Variants in ZMYND19 observed in about 807,000 individuals in gnomAD.
ZMYND19 encodes the protein zinc finger MYND-type containing 19, also known as zinc finger MYND domain-containing protein 19.
ZMYND19 carries 17 observed loss-of-function variants against 32.0 expected under a neutral mutation model. The observed-to-expected ratio is 0.53, with a 90% CI of 0.36 to 0.80. The LOEUF is 0.80. ZMYND19 is among the 30% of genes least tolerant of loss of function. The pLI, the probability that ZMYND19 is intolerant of heterozygous loss-of-function variation, is 0.00. For missense variants in ZMYND19, 250 were observed against 293.6 expected (o/e 0.85, Z 1.09); for synonymous variants, 124 against 113.6 (o/e 1.09, Z -0.58).
chr9:137,584,084 TC>T (rs1441779057), intron 4 of ZMYND19, among the ~76,000 whole-genome samples: 5 of 152,064 alleles, frequency 3.3e-5, no homozygotes. Context: ...CAGACCAGGA[TC>T]CAGACGGACA....
chr9:137,587,063 T>G lies in ZMYND19; in HGVS notation c.263A>C (p.His88Pro). The G allele has an allele frequency of 6.2e-7, 1 of 1,610,362 alleles. No homozygotes were observed. The highest frequency in any genetic ancestry group is 8.5e-7 in the Non-Finnish European group (1 of 1,180,000). The change falls in exon 4 of 6, where the codon CAC becomes CCC. Residue 88 changes from histidine (H) to proline (P), a missense_variant. This residue lies in a region of ZMYND19 where 212 missense variants were observed against 218.8 expected (regional missense o/e 0.97). Coordinates refer to ENST00000298585, the MANE Select transcript of ZMYND19 (RefSeq NM_138462.3). ...ATTGTCCACGGTCACAGCGTTGAGG[T>G]GCACCACCTGGAAGCCCGGGGCCAC... ...GGVAPGFQVV[H>P]LNAVTVDNRL...
At chr9:137,584,064 CAGG>C (rs779425345) in intron 4 of ZMYND19, among the ~76,000 whole-genome samples, 2 of 152,232 alleles carry the variant, frequency 1.3e-5, no homozygotes, top group Non-Finnish European at 2.9e-5. Context: ...AGCTGGATCA[CAGG>C]AGGCCACAGA....
chr9:137,583,616 C>T (rs530951866), intron 4 of ZMYND19, among the ~76,000 whole-genome samples: 13 of 92,618 alleles, frequency 1.4e-4, no homozygotes, highest in African/African-American at 5.5e-4. Context: ...CTACCAAGAA[C>T]GGAGCCTCAA....
rs770654753 is a variant in ZMYND19, at chr9:137,583,112, T to C, written c.411A>G (p.Ile137Met). 2 of 1,614,058 alleles carry C rather than the reference T, an allele frequency of 1.2e-6. No homozygotes were observed. The highest frequency in any genetic ancestry group is 2.2e-5 in the East Asian group (1 of 44,904). ...LAIQQLPTDP[I>M]EEQFPVLNVT... ...CATTTAGGACAGGAAACTGTTCTTC[T>C]ATAGGGTCTGTAGGCAGCTGCTGAA... is the stretch of plus-strand genomic sequence containing the variant. Residue 137 changes from isoleucine to methionine, a missense_variant, in exon 5 of 6, where the codon ATA (isoleucine) becomes ATG (methionine). Ile to Met is a conservative substitution (Grantham distance 10). Around this residue, in one of 2 missense-constraint regions of ZMYND19, gnomAD observed 212 missense variants for 218.8 expected, o/e 0.97. Coordinates refer to ENST00000298585, the MANE Select transcript of ZMYND19 (RefSeq NM_138462.3).
rs908823631 is a variant in ZMYND19 at position 137,582,382 on chromosome 9, G to A, written c.*161C>T. ...CTGCTGGAGATGAACACTGAGGGGC[G>A]CTGTAACCACACAGACTGCCTGTGA... is the stretch of plus-strand genomic sequence containing the variant. On this transcript the variant is annotated 3_prime_UTR_variant, in exon 6 of 6. Coordinates refer to ENST00000298585, the MANE Select transcript of ZMYND19 (RefSeq NM_138462.3). 27 of 963,286 alleles carry A rather than the reference G, an allele frequency of 2.8e-5. No individual in the cohort carries two copies. The highest frequency in any genetic ancestry group is 1.4e-4 in the Admixed American group (5 of 34,740). 59.7% of individuals were successfully genotyped at this position (963,286 alleles called of 1,614,324 possible). A position where few individuals can be genotyped will look rare whatever the true frequency, so the allele number is the denominator to read the frequency against.
At chr9:137,588,038 C>T (rs763265320) in intron 2 of ZMYND19, among the ~76,000 whole-genome samples, 1 of 152,226 alleles carries the variant, frequency 6.6e-6, no homozygotes, top group East Asian at 1.9e-4. Flanking sequence ...GCAAGAAACA[C>T]TCACAAACAA....
Position 137,590,011 on chromosome 9 carries a change from G to C in ZMYND19, c.51+202C>G. On this transcript the variant is annotated intron_variant, in intron 1 of 5. Coordinates refer to ENST00000298585, the MANE Select transcript of ZMYND19 (RefSeq NM_138462.3). The surrounding 1 kb of genome is among the most constrained non-coding windows in gnomAD (Gnocchi z 4.2). Reference sequence around the variant, plus strand: ...TGGCCAGGTGCACCCCAGAGCCGAGGGGTGCGTGCCCGCCGGCCTGCGAGA... The same window carrying C: ...TGGCCAGGTGCACCCCAGAGCCGAGCGGTGCGTGCCCGCCGGCCTGCGAGA... 1.0e-6 allele frequency: 1 copy of C among 985,090 alleles called. No homozygotes were observed. Among genetic ancestry groups the C allele is most frequent in the Non-Finnish European group, 1.2e-6 (1 of 829,772 alleles). 61.0% of individuals were successfully genotyped at this position (985,090 alleles called of 1,614,324 possible).
In ZMYND19 at chr9:137,582,703, C is replaced by T. The variant is rs371844209; in HGVS notation, c.541-17G>A. ...CTCCCGGAGCTGAAATACAGAACACCTGTGGCTTCACCATCATGCCTGGGA... is the reference window on the plus strand; with the variant it reads ...CTCCCGGAGCTGAAATACAGAACACTTGTGGCTTCACCATCATGCCTGGGA... On this transcript the variant is annotated splice_polypyrimidine_tract_variant and intron_variant, in intron 5 of 5. Transcript: ENST00000298585. 1 of 1,610,204 alleles carries T rather than the reference C, an allele frequency of 6.2e-7. No individual in the cohort carries two copies. The highest frequency in any genetic ancestry group is 8.5e-7 in the Non-Finnish European group (1 of 1,178,706).
chr9:137,590,243 AC>A lies in ZMYND19; in HGVS notation c.20del (p.Gly7ValfsTer16). 8.7e-7 allele frequency: 1 copy of A among 1,153,888 alleles called. No individual in the cohort carries two copies. The highest frequency in any genetic ancestry group is 1.1e-6 in the Non-Finnish European group (1 of 922,002). 71.5% of individuals were successfully genotyped at this position (1,153,888 alleles called of 1,614,324 possible). A position where few individuals can be genotyped will look rare whatever the true frequency, so the allele number is the denominator to read the frequency against. On this transcript the variant is annotated frameshift_variant, in exon 1 of 6. Transcript: ENST00000298585. LOFTEE classifies it high-confidence loss of function. The surrounding 1 kb of genome is among the most constrained non-coding windows in gnomAD (Gnocchi z 4.2). MTDFKLGIVRLGRVAGK... is the reference protein window; with the variant it reads MTDFKLXIVRLGRVAGK... ...CGGCCACCCGGCCGAGCCGCACGAT[AC>A]CCAATTTGAAGTCGGTCATGGCCGG...
At chr9:137,585,363 C>G (rs1026447745) in intron 4 of ZMYND19, among the ~76,000 whole-genome samples, 1 of 145,342 alleles carries the variant, frequency 6.9e-6, no homozygotes, top group African/African-American at 2.6e-5. Context: ...GAAGCTACAG[C>G]GAGCCAAGGT....
rs1842256078 is a variant in ZMYND19, at chr9:137,590,143, A to ACCGCCCCCGGCC, written c.51+58_51+69dup. On this transcript the variant is annotated intron_variant, in intron 1 of 5. Coordinates refer to ENST00000298585, the MANE Select transcript of ZMYND19 (RefSeq NM_138462.3). This position sits in a 1 kb window ranked among gnomAD's most constrained non-coding sequence, Gnocchi z 4.2. ...CCCCGCCCCGGCCGCCGCCCGCACAACCGCCCCCGGCCCCGCGCGGAGGCC... is the reference window on the plus strand; with the variant it reads ...CCCCGCCCCGGCCGCCGCCCGCACAACCGCCCCCGGCCCCGCCCCCGGCCCCGCGCGGAGGCC... The ACCGCCCCCGGCC allele has an allele frequency of 1.1e-6, 1 of 931,940 alleles. No individual in the cohort carries two copies. Among genetic ancestry groups the ACCGCCCCCGGCC allele is most frequent in the Admixed American group, 9.5e-5 (1 of 10,524 alleles). 57.7% of individuals were successfully genotyped at this position (931,940 alleles called of 1,614,324 possible).
At chr9:137,587,263 G>A (rs930502168) in intron 3 of ZMYND19, 156 bp from the exon 4 acceptor site, 44 of 1,265,642 alleles carry the variant, frequency 3.5e-5, no homozygotes, top group African/African-American at 6.0e-5. Context: ...ACCTCAGGCG[G>A]AAGCTGCTGA....
chr9:137,583,311 C>T (rs1488607807), intron 4 of ZMYND19, 148 bp from the exon 5 acceptor site: 2 of 782,820 alleles, frequency 2.6e-6, no homozygotes, highest in East Asian at 4.9e-5. Flanking sequence ...GCTGCATGTG[C>T]TTTTCACCAC....
chr9:137,583,655 A>G (rs1006976494), intron 4 of ZMYND19, among the ~76,000 whole-genome samples: 1 of 98,782 alleles, frequency 1.0e-5, no homozygotes, highest in Non-Finnish European at 1.9e-5. Flanking sequence ...CTCAGAGGCA[A>G]GCGTGGGCAG....
intron 3 of ZMYND19, 66 bp downstream of exon 3, chr9:137,587,651 C>T (rs1588974394): frequency 6.9e-7 from 1 of 1,458,728 alleles, no homozygotes; most frequent in African/African-American, 1.4e-5. Context: ...CTCCAGGCGC[C>T]CTGTGCCATC....
chr9:137,582,945 G>A (rs1166548108), intron 5 of ZMYND19, 38 bp downstream of exon 5: 3 of 1,608,024 alleles, frequency 1.9e-6, no homozygotes, highest in Non-Finnish European at 1.7e-6. Context: ...CTACAGGGTA[G>A]AGGTGCCAGG....
intron 3 of ZMYND19, 36 bp from the exon 4 acceptor site, chr9:137,587,143 C>T: frequency 6.3e-7 from 1 of 1,593,232 alleles, no homozygotes; most frequent in East Asian, 2.2e-5. Flanking sequence ...TCTAACCCTG[C>T]ATCGCTGCCT....
chr9:137,583,723 G>A (rs530291087), intron 4 of ZMYND19, among the ~76,000 whole-genome samples: 3 of 152,292 alleles, frequency 2.0e-5, no homozygotes, highest in South Asian at 2.1e-4. Context: ...CACCAACCCC[G>A]TTCTCCGAAG....
Position 137,590,205 on chromosome 9 carries a change from C to A in ZMYND19, c.51+8G>T. On this transcript the variant is annotated splice_region_variant and intron_variant, in intron 1 of 5. Coordinates refer to ENST00000298585, the MANE Select transcript of ZMYND19 (RefSeq NM_138462.3). This position sits in a 1 kb window ranked among gnomAD's most constrained non-coding sequence, Gnocchi z 4.2. ...GACGGGCCGGGTCGCGGGCTCCGCG[C>A]CGCTCACCTTCCCGGCCACCCGGCC... 1.8e-6 allele frequency: 2 copies of A among 1,117,136 alleles called. No homozygotes were observed. Among genetic ancestry groups the A allele is most frequent in the South Asian group, 2.1e-5 (1 of 47,942 alleles). The allele number at this position is 1,117,136 out of a possible 1,614,324, so 69.2% of individuals were successfully genotyped here.
Sources: gnomAD v4.1 joint callset for allele counts (sites outside exome capture counted in the v4.1 genomes callset) on GRCh38, gnomAD v4.1.1 for gene constraint, gnomAD v4.1.1 regional missense constraint, Gnocchi (gnomAD v3.1) non-coding constraint, MANE v1.5 for transcripts, NCBI Gene and HGNC (gene_info 2026-07-23, HGNC 2026-07-21) for gene names.